The following GPM6B variants were observed in gnomAD, a reference collection of about 807,000 sequenced individuals.
GPM6B encodes the protein neuronal membrane glycoprotein M6-b.
In GPM6B, 4 loss-of-function variants were observed where a neutral mutation model predicts 27.2. The observed-to-expected ratio is 0.15, with a 90% CI of 0.07 to 0.34. The LOEUF (loss-of-function observed/expected upper bound fraction) is 0.34. Among genes scored for constraint, GPM6B ranks in the 10% least tolerant of loss-of-function variants. GPM6B has a pLI of 1.00. For synonymous variants in GPM6B, 124 were observed against 103.1 expected, an observed-to-expected ratio of 1.20 and a Z score of -1.23; for missense variants, 183 against 261.9, an observed-to-expected ratio of 0.70 and a Z score of 2.08.
chrX:13,897,030 G>A (rs1391813931), intron 1 of GPM6B, among the ~76,000 whole-genome samples: 1 of 112,452 alleles, frequency 8.9e-6, no homozygotes, highest in East Asian at 2.8e-4. Context: ...TATTCCAGAT[G>A]ACTGAGTCAA....
rs749548955 is a variant in GPM6B at position 13,785,456 on chromosome X, T to C, written c.368+166A>G. ...CACCACCACGCCCAGCTAAATTTTT[T>C]TTTGTATTTTTAGTAGAGGTGGCGT... On this transcript the variant is annotated intron_variant, in intron 3 of 7. Coordinates refer to ENST00000316715, the MANE Select transcript of GPM6B (RefSeq NM_001001995.3). 9.0e-5 allele frequency among the ~76,000 whole-genome samples: 10 copies of C among 110,628 alleles called. No individual in the cohort carries two copies. In the East Asian group the frequency reaches 2.8e-3, roughly 31 times the overall value.
chrX:13,841,970 G>C (rs1294178891), intron 1 of GPM6B, among the ~76,000 whole-genome samples: 1 of 111,794 alleles, frequency 8.9e-6, no homozygotes, highest in Non-Finnish European at 1.9e-5. Context: ...TGCAACTCAA[G>C]GGCTACAGCT....
intron 1 of GPM6B, among the ~76,000 whole-genome samples, chrX:13,934,790 T>C (rs1458204736): frequency 7.1e-5 from 8 of 112,376 alleles, no homozygotes; most frequent in Non-Finnish European, 1.3e-4. Context: ...ATTCTTTTAT[T>C]TTATAGTCAA....
chrX:13,906,005 T>C (rs1035655182), intron 1 of GPM6B, among the ~76,000 whole-genome samples: 19 of 112,572 alleles, frequency 1.7e-4, no homozygotes, highest in Middle Eastern at 4.6e-3. Flanking sequence ...ATTTCATTTA[T>C]ACATTAATCC....
At chrX:13,935,429 C>G (rs907764168) in intron 1 of GPM6B, among the ~76,000 whole-genome samples, 1 of 109,918 alleles carries the variant, frequency 9.1e-6, no homozygotes, top group Non-Finnish European at 1.9e-5. Context: ...GGTGGGACGA[C>G]TGCTTCAGCC....
At chrX:13,838,575 C>T (rs2049534025) in intron 1 of GPM6B, among the ~76,000 whole-genome samples, 1 of 111,845 alleles carries the variant, frequency 8.9e-6, no homozygotes, top group Non-Finnish European at 1.9e-5. Context: ...GTTTCTAAGG[C>T]CCCTAAGACA....
chrX:13,927,710 A>G (rs1419531790), intron 1 of GPM6B, among the ~76,000 whole-genome samples: 3 of 112,991 alleles, frequency 2.7e-5, no homozygotes, highest in Non-Finnish European at 5.6e-5. Context: ...TCCTGAAGTT[A>G]GCAAGCATTC....
intron 1 of GPM6B, among the ~76,000 whole-genome samples, chrX:13,865,371 T>C (rs1417976177): frequency 9.4e-6 from 1 of 106,889 alleles, no homozygotes; most frequent in Non-Finnish European, 1.9e-5. Flanking sequence ...GACATTGTGA[T>C]AAAAAACAGC....
chrX:13,772,607 T>G lies in GPM6B; in HGVS notation c.*274A>C. The G allele has an allele frequency of 3.5e-6, 1 of 288,829 alleles. No homozygotes were observed. Among genetic ancestry groups the G allele is most frequent in the Non-Finnish European group, 6.2e-6 (1 of 161,590 alleles). The allele number at this position is 288,829 out of a possible 1,213,427, so 23.8% of individuals were successfully genotyped here. On this transcript the variant is annotated 3_prime_UTR_variant, in exon 8 of 8. Coordinates refer to ENST00000316715, the MANE Select transcript of GPM6B (RefSeq NM_001001995.3). ...GGTAGAATTGCCCTAGCAATAAATG[T>G]GAACATGCCACAAATTCCCAAAGTA...
intron 2 of GPM6B, among the ~76,000 whole-genome samples, chrX:13,802,891 TA>T (rs764314858): frequency 8.9e-6 from 1 of 111,737 alleles, no homozygotes; most frequent in Non-Finnish European, 1.9e-5. Context: ...GACAGAATGA[TA>T]CCACCAGCAG....
chrX:13,829,519 G>A (rs1158522467), intron 1 of GPM6B, among the ~76,000 whole-genome samples: 1 of 111,358 alleles, frequency 9.0e-6, no homozygotes, highest in East Asian at 2.8e-4. Flanking sequence ...GTGATTTCAC[G>A]TCCTTCTAGA....
At chrX:13,798,842 T>A (rs2048864030) in intron 2 of GPM6B, among the ~76,000 whole-genome samples, 1 of 112,529 alleles carries the variant, frequency 8.9e-6, no homozygotes, top group Non-Finnish European at 1.9e-5. Context: ...GTAGGATGTT[T>A]AGCAGCATCC....
At position 13,915,807 on chromosome X, in the gene GPM6B, T is replaced by A. The variant is rs182255485; in HGVS notation, c.-198+22520A>T. ...CATATCTGCCATTTTATAATAGGTA[T>A]GTATGTACATGTATATATGTATTAC... On this transcript the variant is annotated intron_variant, in intron 1 of 6. Coordinates refer to the GPM6B transcript ENST00000398361. 7.1e-5 allele frequency among the ~76,000 whole-genome samples: 8 copies of A among 112,706 alleles called. No individual in the cohort carries two copies. In the Admixed American group the frequency reaches 7.5e-4, roughly 11 times the overall value.
At chrX:13,869,948 T>C (rs2049957426) in intron 1 of GPM6B, among the ~76,000 whole-genome samples, 1 of 112,379 alleles carries the variant, frequency 8.9e-6, no homozygotes, top group Non-Finnish European at 1.9e-5. Flanking sequence ...TTAGTTGTCC[T>C]GTCTCCTTGG....
chrX:13,880,880 C>T (rs1042732969), intron 1 of GPM6B, among the ~76,000 whole-genome samples: 5 of 109,860 alleles, frequency 4.6e-5, no homozygotes, highest in African/African-American at 1.3e-4. Context: ...TGTTCAAATA[C>T]GTTACACCGG....
In GPM6B at chrX:13,913,943, G is replaced by T. The variant is rs780664967; in HGVS notation, c.-198+24384C>A. On this transcript the variant is annotated intron_variant, in intron 1 of 6. Transcript: ENST00000398361. ...ATTTTTTTATTTTTTATAGAGATGGGGTTTCGCCATGTTGCCCAGGCTGGT... is the reference window on the plus strand; with the variant it reads ...ATTTTTTTATTTTTTATAGAGATGGTGTTTCGCCATGTTGCCCAGGCTGGT... 3.6e-5 allele frequency among the ~76,000 whole-genome samples: 4 copies of T among 110,415 alleles called. No homozygotes were observed. In the South Asian group the frequency reaches 1.6e-3, roughly 44 times the overall value.
chrX:13,846,622 C>G (rs2049650000), intron 1 of GPM6B, among the ~76,000 whole-genome samples: 1 of 109,143 alleles, frequency 9.2e-6, no homozygotes, highest in Admixed American at 9.8e-5. Flanking sequence ...TCCCAAGTAG[C>G]TGGTACTACA....
intron 1 of GPM6B, among the ~76,000 whole-genome samples, chrX:13,876,815 G>C (rs1233695968): frequency 1.8e-5 from 2 of 110,754 alleles, no homozygotes; most frequent in African/African-American, 6.6e-5. Flanking sequence ...ACTTGAGTGG[G>C]CTTGTTGTCT....
At chrX:13,777,584 A>G (rs1202733885) in intron 5 of GPM6B, among the ~76,000 whole-genome samples, 159 bp from the exon 6 acceptor site, 1 of 112,666 alleles carries the variant, frequency 8.9e-6, no homozygotes, top group East Asian at 2.8e-4. Flanking sequence ...ATTTTGGAAT[A>G]AATAGCCCCA....
Sources: allele counts gnomAD v4.1 joint callset (sites outside exome capture counted in the v4.1 genomes callset), GRCh38; gene constraint gnomAD v4.1.1; transcripts MANE v1.5; gene names NCBI Gene and HGNC (gene_info 2026-07-23, HGNC 2026-07-21).